The following ZNF99 variants were observed in gnomAD, a reference collection of about 807,000 sequenced individuals.
ZNF99 encodes the protein zinc finger protein ENSP00000375192.
ZNF99 carries 8 observed loss-of-function variants against 12.8 expected under a neutral mutation model. The ratio of observed to expected loss-of-function variants is 0.62; its 90% CI spans 0.37 to 1.13. The LOEUF is 1.13. Among genes scored for constraint, ZNF99 ranks in the 50% most tolerant of loss-of-function variants. The pLI, the probability that ZNF99 is intolerant of heterozygous loss-of-function variation, is 0.02. For synonymous variants in ZNF99, 318 were observed against 319.0 expected (o/e 1.00, Z 0.03); for missense variants, 1,007 against 1,006.2 (o/e 1.00, Z -0.01).
At chr19:22,780,402 C>A (rs544555587) in intron 1 of ZNF99, among the ~76,000 whole-genome samples, 1 of 152,232 alleles carries the variant, frequency 6.6e-6, no homozygotes, top group Non-Finnish European at 1.5e-5. Context: ...CATTAAAAAT[C>A]ATGTAGTAGG....
rs1599448545 is a variant in ZNF99 at position 22,774,594 on chromosome 19, G to A, written c.4-5270C>T. On this transcript the variant is annotated intron_variant, in intron 1 of 3. Coordinates refer to ENST00000596209, the MANE Select transcript of ZNF99 (RefSeq NM_001080409.3). The stretch of plus-strand genomic sequence containing the variant: ...ATGAAAGACACTATTAACAGGCCAG[G>A]CACAGTGGCTCACATCTGTAATCCC... 3.3e-5 allele frequency among the ~76,000 whole-genome samples: 5 copies of A among 152,318 alleles called. No individual in the cohort carries two copies. In the East Asian group the frequency reaches 5.8e-4, roughly 18 times the overall value.
chr19:22,781,557 C>T (rs1366816551), intron 1 of ZNF99, among the ~76,000 whole-genome samples: 1 of 151,488 alleles, frequency 6.6e-6, no homozygotes, highest in Non-Finnish European at 1.5e-5. Flanking sequence ...GTGTTTTCCC[C>T]GCAATACCAG....
chr19:22,783,117 T>C (rs1973408450), intron 1 of ZNF99, among the ~76,000 whole-genome samples: 1 of 151,726 alleles, frequency 6.6e-6, no homozygotes, highest in Non-Finnish European at 1.5e-5. Context: ...TCGTCTCTAC[T>C]AAAAACACAA....
rs531724256 is a variant in ZNF99, at chr19:22,754,861, G to A, written c.*2453C>T. On this transcript the variant is annotated 3_prime_UTR_variant, in exon 4 of 4. Coordinates refer to ENST00000596209, the MANE Select transcript of ZNF99 (RefSeq NM_001080409.3). Reference sequence around the variant, plus strand: ...GAGGCGGGCAGATCACCAGAGGTCGGGAGTTCGAGACCAGCTTGACCAACA... The same window carrying A: ...GAGGCGGGCAGATCACCAGAGGTCGAGAGTTCGAGACCAGCTTGACCAACA... 1 of 183,176 alleles carries A rather than the reference G, an allele frequency of 5.5e-6. No individual in the cohort carries two copies. The highest frequency in any genetic ancestry group is 5.8e-5 in the Admixed American group (1 of 17,372). The allele number at this position is 183,176 out of a possible 1,614,324, so 11.3% of individuals were successfully genotyped here. A position where few individuals can be genotyped will look rare whatever the true frequency, so the allele number is the denominator to read the frequency against.
intron 3 of ZNF99, among the ~76,000 whole-genome samples, chr19:22,764,216 T>G (rs1288781190): frequency 2.6e-5 from 4 of 152,126 alleles, no homozygotes; most frequent in Non-Finnish European, 5.9e-5. Context: ...CAGGGACTCT[T>G]TTCAACAAAT....
chr19:22,778,014 G>C (rs1351756653), intron 1 of ZNF99, among the ~76,000 whole-genome samples: 1 of 121,014 alleles, frequency 8.3e-6, no homozygotes, highest in Admixed American at 9.0e-5. Context: ...GGCCTGTCGT[G>C]GGGTGGGGGG....
At chr19:22,760,711 T>C (rs995725880) in intron 3 of ZNF99, among the ~76,000 whole-genome samples, 2 of 151,748 alleles carry the variant, frequency 1.3e-5, no homozygotes, top group Non-Finnish European at 2.9e-5. Flanking sequence ...GCCACTGCAC[T>C]CCAGCCTGGG....
Position 22,769,272 on chromosome 19 carries a change from T to C in ZNF99, c.56A>G (p.Gln19Arg). The C allele has an allele frequency of 6.2e-7, 1 of 1,610,504 alleles. No individual in the cohort carries two copies. The highest frequency in any genetic ancestry group is 8.5e-7 in the Non-Finnish European group (1 of 1,178,044). The change falls in exon 2 of 4, where the codon CAA (glutamine) becomes CGA (arginine). Residue 19 changes from glutamine (Q) to arginine (R), a missense_variant. Gln to Arg is a conservative substitution (Grantham distance 43). Coordinates refer to ENST00000596209, the MANE Select transcript of ZNF99 (RefSeq NM_001080409.3). ...VTIEFALEEW[Q>R]CLDMAQQNLY... ...ATTCTGCTGAGCCATGTCCAGGCAT[T>C]GCCACTCCTCCAGAGCGAATTCTAT...
rs1300053507 is a variant in ZNF99, at chr19:22,759,257, T to C, written c.652A>G (p.Lys218Glu). 3.2e-6 allele frequency: 5 copies of C among 1,553,200 alleles called. No homozygotes were observed. The African/African-American group carries it at 6.8e-5, about 21-fold the overall frequency. The change falls in exon 4 of 4, where the codon AAA (lysine) becomes GAA (glutamate). Residue 218 changes from lysine to glutamate, a missense_variant. Lys to Glu is a moderately conservative substitution (Grantham distance 56, BLOSUM62 1). Transcript: ENST00000596209. Reference sequence around the variant, plus strand: ...TCTTCAGTATGAATTATCTTATGTTTAATAAGGGTTGAGAACCATTTAAAG... The same window carrying C: ...TCTTCAGTATGAATTATCTTATGTTCAATAAGGGTTGAGAACCATTTAAAG... ...KAFKWFSTLI[K>E]HKIIHTEDKP...
Position 22,759,462 on chromosome 19 carries a change from T to C in ZNF99, c.447A>G (p.Lys149=), listed in dbSNP as rs1973125751. The C allele has an allele frequency of 6.2e-7, 1 of 1,604,016 alleles. No individual in the cohort carries two copies. Residue 149 remains lysine (K), a synonymous_variant, in exon 4 of 4, where the codon AAA becomes AAG. Coordinates refer to ENST00000596209, the MANE Select transcript of ZNF99 (RefSeq NM_001080409.3). ...TTQGKIFQCN[K]YVKVFHKYSN... ...AATATTTATGAAAGACTTTCACATA[T>C]TTGTTACACTGAAATATTTTTCCCT...
rs758894834 is a variant in ZNF99, at chr19:22,759,183, T to C, written c.726A>G (p.Ser242=). Residue 242 remains serine, a synonymous_variant, in exon 4 of 4, where the codon TCA becomes TCG. Transcript: ENST00000596209. ...GAATTATCTTACATTTAGTGAACAT[T>C]GAAGAGATGTTAAAAGCTTTGCCAC... ...KKCGKAFNIS[S]MFTKCKIIHT... 6.3e-7 allele frequency: 1 copy of C among 1,590,696 alleles called. No homozygotes were observed. The highest frequency in any genetic ancestry group is 1.1e-5 in the South Asian group (1 of 89,292).
At chr19:22,770,174 C>A (rs749234278) in intron 1 of ZNF99, among the ~76,000 whole-genome samples, 5 of 152,126 alleles carry the variant, frequency 3.3e-5, no homozygotes, top group Non-Finnish European at 7.3e-5. Flanking sequence ...CTGTATTTTT[C>A]CCAGTTTTTC....
chr19:22,757,893 A>C lies in ZNF99; in HGVS notation c.2016T>G (p.Thr672=), dbSNP rs745587817. 2.5e-6 allele frequency: 4 copies of C among 1,612,482 alleles called. No individual in the cohort carries two copies. In the South Asian group the frequency reaches 4.4e-5, roughly 18 times the overall value. Residue 672 remains threonine (T), a synonymous_variant, in exon 4 of 4, where the codon ACT becomes ACG. Transcript: ENST00000596209. Reference sequence around the variant, plus strand: ...CTTCACATTTGTAGGGTTTCTCTTCAGTATGAATTACTTTATGTCTAGTAA... The same window carrying C: ...CTTCACATTTGTAGGGTTTCTCTTCCGTATGAATTACTTTATGTCTAGTAA... ...SHLTRHKVIH[T]EEKPYKCEEC... is the part of the protein sequence containing the mutation.
Position 22,757,955 on chromosome 19 carries a change from C to T in ZNF99, c.1954G>A (p.Glu652Lys), listed in dbSNP as rs373840800. ...CACTTAAAAGCTTTACCACATTCTTCACATTTGTAGGGTTTCTCTCCAGTA... is the reference window on the plus strand; with the variant it reads ...CACTTAAAAGCTTTACCACATTCTTTACATTTGTAGGGTTTCTCTCCAGTA... ...IHTGEKPYKC[E>K]ECGKAFKWSS... The change falls in exon 4 of 4, where the codon GAA becomes AAA. Residue 652 changes from glutamate to lysine, a missense_variant. Glu to Lys is a moderately conservative substitution (Grantham distance 56). Transcript: ENST00000596209. 8.1e-6 allele frequency: 13 copies of T among 1,613,056 alleles called. No individual in the cohort carries two copies. Among genetic ancestry groups the T allele is most frequent in the Non-Finnish European group, 1.0e-5 (12 of 1,179,642 alleles).
At chr19:22,782,793 C>A (rs1413239569) in intron 1 of ZNF99, among the ~76,000 whole-genome samples, 1 of 151,072 alleles carries the variant, frequency 6.6e-6, no homozygotes, top group Non-Finnish European at 1.5e-5. Flanking sequence ...GCCTCAGCCT[C>A]CCGAGAAACT....
In ZNF99 at chr19:22,759,374, T is replaced by C. The variant is rs1467153207; in HGVS notation, c.535A>G (p.Ser179Gly). ...TGTGAAAGCATGAAAAATGATTTGC[T>C]ACATTTCATACATTTGAAAGTTTTC... is the stretch of plus-strand genomic sequence containing the variant. ...KKKTFKCMKC[S>G]KSFFMLSHLI... Residue 179 changes from serine (S) to glycine (G), a missense_variant, in exon 4 of 4, where the codon AGC becomes GGC. Transcript: ENST00000596209. The C allele has an allele frequency of 8.4e-6, 13 of 1,553,802 alleles. No individual in the cohort carries two copies. The highest frequency in any genetic ancestry group is 2.0e-5 in the Admixed American group (1 of 51,240).
Position 22,756,057 on chromosome 19 carries a change from G to T in ZNF99, c.*1257C>A, listed in dbSNP as rs1599438451. On this transcript the variant is annotated 3_prime_UTR_variant, in exon 4 of 4. Transcript: ENST00000596209. ...CATTTGTGGGGTTTCTCTCCAGCAT[G>T]AATTGTTTTCTGCCTATTAAGGCTT... 3 of 1,285,702 alleles carry T rather than the reference G, an allele frequency of 2.3e-6. No individual in the cohort carries two copies. In the East Asian group the frequency reaches 1.0e-4, roughly 43 times the overall value. The allele number at this position is 1,285,702 out of a possible 1,614,324, so 79.6% of individuals were successfully genotyped here. A position where few individuals can be genotyped will look rare whatever the true frequency, so the allele number is the denominator to read the frequency against.
chr19:22,783,937 A>G, intron 1 of ZNF99, 77 bp downstream of exon 1: 1 of 1,587,394 alleles, frequency 6.3e-7, no homozygotes, highest in African/African-American at 1.3e-5. Context: ...GGGAGGCCTG[A>G]GTCCCGCCAC....
chr19:22,772,380 C>A (rs745370150), intron 1 of ZNF99, among the ~76,000 whole-genome samples: 2 of 152,060 alleles, frequency 1.3e-5, no homozygotes, highest in Admixed American at 6.6e-5. Context: ...AAGATGAATA[C>A]ATAGTGCAAA....
Sources: allele counts gnomAD v4.1 joint callset (sites outside exome capture counted in the v4.1 genomes callset), GRCh38; gene constraint gnomAD v4.1.1; transcripts MANE v1.5; gene names NCBI Gene and HGNC (gene_info 2026-07-23, HGNC 2026-07-21).